PCDHA5: variants seen among roughly 807,000 people sequenced by gnomAD.
PCDHA5 encodes protocadherin alpha-5.
PCDHA5 carries 43 observed loss-of-function variants against 61.6 expected under a neutral mutation model. The observed-to-expected ratio is 0.70, with a 90% CI of 0.55 to 0.90. PCDHA5 has a LOEUF of 0.90. Among genes scored for constraint, PCDHA5 ranks in the 40% least tolerant of loss-of-function variants. The pLI, the probability that PCDHA5 is intolerant of heterozygous loss-of-function variation, is 0.00. For missense variants in PCDHA5, 1,298 were observed against 1,222.7 expected (o/e 1.06, Z -0.92); for synonymous variants, 627 against 543.9 (o/e 1.15, Z -2.13).
At position 140,848,676 on chromosome 5, in the gene PCDHA5, C is replaced by A. The variant is rs2150416820; in HGVS notation, c.2352+24549C>A. 8.2e-6 allele frequency: 13 copies of A among 1,592,292 alleles called. 1 individual carries two copies. The African/African-American group carries it at 1.1e-4, about 13-fold the overall frequency. ...GGGGCTGGAGCTGGCGGAGCTGGTG[C>A]CGCGCCTGTTCCAGTTGGATTCCAA... On this transcript the variant is annotated intron_variant, in intron 1 of 3. Transcript: ENST00000529859.
chr5:140,916,871 T>C (rs1321229691), intron 1 of PCDHA5, among the ~76,000 whole-genome samples: 1 of 152,162 alleles, frequency 6.6e-6, no homozygotes, highest in African/African-American at 2.4e-5. Context: ...ACCTAGGAAT[T>C]GCAATCCTTG....
chr5:140,849,959 C>G lies in PCDHA5; in HGVS notation c.2352+25832C>G, dbSNP rs2150460444. On this transcript the variant is annotated intron_variant, in intron 1 of 3. Transcript: ENST00000529859. ...GGGACGCTGACGCGCAGGAGAACGC[C>G]CTGGTGTCCTACTCGCTGGTGGAGC... 52 of 1,597,872 alleles carry G rather than the reference C, an allele frequency of 3.3e-5. 2 individuals are homozygous for G. Among genetic ancestry groups the G allele is most frequent in the African/African-American group, 2.7e-4 (20 of 74,536 alleles).
intron 3 of PCDHA5, among the ~76,000 whole-genome samples, chr5:141,005,808 C>T (rs2153985730): frequency 6.6e-6 from 1 of 150,460 alleles, no homozygotes; most frequent in African/African-American, 2.5e-5. Context: ...CTCCAAGGAG[C>T]CAGGTATGGT....
chr5:140,997,087 T>C (rs1218654416), intron 3 of PCDHA5, among the ~76,000 whole-genome samples: 4 of 152,156 alleles, frequency 2.6e-5, no homozygotes, highest in Non-Finnish European at 5.9e-5. Flanking sequence ...GAGTAGAAAG[T>C]GCAGAGTTCT....
chr5:140,871,008 C>A lies in PCDHA5; in HGVS notation c.2352+46881C>A, dbSNP rs782247452. Reference sequence around the variant, plus strand: ...CGGGCGAGATAAGCACAACGCGTGCCCTGGACGAGGCAGACTCGCCGCGCC... The same window carrying A: ...CGGGCGAGATAAGCACAACGCGTGCACTGGACGAGGCAGACTCGCCGCGCC... On this transcript the variant is annotated intron_variant, in intron 1 of 3. Transcript: ENST00000529859. The A allele has an allele frequency of 5.6e-6, 9 of 1,613,284 alleles. No homozygotes were observed. The African/African-American group carries it at 1.1e-4, about 19-fold the overall frequency.
chr5:140,844,883 C>T (rs932765025), intron 1 of PCDHA5, among the ~76,000 whole-genome samples: 1 of 149,278 alleles, frequency 6.7e-6, no homozygotes, highest in African/African-American at 2.5e-5. Flanking sequence ...CATTAGACTT[C>T]GTGCATATTG....
At chr5:140,971,586 C>G (rs1290834481) in intron 1 of PCDHA5, among the ~76,000 whole-genome samples, 1 of 152,022 alleles carries the variant, frequency 6.6e-6, no homozygotes, top group Non-Finnish European at 1.5e-5. Context: ...TTTTTCCTAC[C>G]TAGTTACTAC....
At position 140,845,557 on chromosome 5, in the gene PCDHA5, G is replaced by A. The variant is rs1355762380; in HGVS notation, c.2352+21430G>A. Reference sequence around the variant, plus strand: ...TATTCTAATTATGGTGATGCTTTTAGCTATTAAGAATTTCTGGGATTGAAA... The same window carrying A: ...TATTCTAATTATGGTGATGCTTTTAACTATTAAGAATTTCTGGGATTGAAA... On this transcript the variant is annotated intron_variant, in intron 1 of 3. Transcript: ENST00000529859. Among the ~76,000 whole-genome samples, 5 of 149,294 alleles carry A rather than the reference G, an allele frequency of 3.3e-5. 1 individual carries two copies. The highest frequency in any genetic ancestry group is 1.2e-4 in the African/African-American group (5 of 40,778).
Position 140,877,431 on chromosome 5 carries a change from C to T in PCDHA5, c.2352+53304C>T, listed in dbSNP as rs782442127. 8.1e-6 allele frequency: 13 copies of T among 1,613,836 alleles called. No homozygotes were observed. The Admixed American group carries it at 2.2e-4, about 27-fold the overall frequency. On this transcript the variant is annotated intron_variant, in intron 1 of 3. Transcript: ENST00000529859. ...ACCGCCTGCTGGTGCTGGTGAAGGA[C>T]CACGGTGAGCCCGCGCTGACGTCCA...
At chr5:140,926,829 G>A in intron 1 of PCDHA5, 1 of 1,501,192 alleles carries the variant, frequency 6.7e-7, no homozygotes, top group Middle Eastern at 2.1e-4. Context: ...CCAGGAGTCC[G>A]GAGCATGGTC....
At chr5:140,861,303 GA>G in intron 1 of PCDHA5, 1 of 189,594 alleles carries the variant, frequency 5.3e-6, no homozygotes. Context: ...TGTGAAGCGG[GA>G]AAGGACCAGT....
At chr5:140,861,412 C>T (rs371672031) in intron 1 of PCDHA5, 62 of 474,038 alleles carry the variant, frequency 1.3e-4, no homozygotes, top group African/African-American at 1.1e-3. Flanking sequence ...GAGCTGATAC[C>T]GCGCCTGTTT....
chr5:140,898,423 C>T (rs1257208141), intron 1 of PCDHA5, among the ~76,000 whole-genome samples: 1 of 152,106 alleles, frequency 6.6e-6, no homozygotes, highest in African/African-American at 2.4e-5. Flanking sequence ...GCCAGTTTTC[C>T]CAGCACCATT....
chr5:140,996,799 T>C (rs1372599057), intron 3 of PCDHA5, among the ~76,000 whole-genome samples: 3 of 152,306 alleles, frequency 2.0e-5, no homozygotes, highest in African/African-American at 7.2e-5. Context: ...CTACATCCAA[T>C]CATGCTTTCC....
chr5:140,925,299 T>C (rs2082428309), intron 1 of PCDHA5, among the ~76,000 whole-genome samples: 1 of 152,200 alleles, frequency 6.6e-6, no homozygotes, highest in African/African-American at 2.4e-5. Context: ...GTTTCATTAT[T>C]GGGGCTTTGG....
At chr5:140,965,538 A>G (rs1554227750) in intron 1 of PCDHA5, among the ~76,000 whole-genome samples, 1 of 151,958 alleles carries the variant, frequency 6.6e-6, no homozygotes, top group Non-Finnish European at 1.5e-5. Flanking sequence ...TGGAATCCAA[A>G]TTCCAGCCTG....
At chr5:140,830,285 T>A in intron 1 of PCDHA5, 1 of 1,613,564 alleles carries the variant, frequency 6.2e-7, no homozygotes, top group Non-Finnish European at 8.5e-7. Flanking sequence ...CGAGGGCGCG[T>A]GCACGGCGGA....
At chr5:140,840,854 C>T (rs2150309759) in intron 1 of PCDHA5, among the ~76,000 whole-genome samples, 10 of 151,908 alleles carry the variant, frequency 6.6e-5, no homozygotes, top group Admixed American at 2.6e-4. Flanking sequence ...TTCTTCCACA[C>T]GAAACTATGG....
At chr5:140,855,049 C>A (rs188702829) in intron 1 of PCDHA5, among the ~76,000 whole-genome samples, 1 of 149,704 alleles carries the variant, frequency 6.7e-6, no homozygotes, top group Admixed American at 6.7e-5. Flanking sequence ...TGTAATAGTA[C>A]TTTTCTGTTT....
Sources: gnomAD v4.1 joint callset for allele counts (sites outside exome capture counted in the v4.1 genomes callset) on GRCh38, gnomAD v4.1.1 for gene constraint, MANE v1.5 for transcripts, NCBI Gene and HGNC (gene_info 2026-07-23, HGNC 2026-07-21) for gene names.